Variants in DPYSL5 observed in about 807,000 individuals in gnomAD.
DPYSL5 encodes dihydropyrimidinase-related protein 5.
Under a neutral mutation model 58.4 loss-of-function variants are expected in DPYSL5, and 9 were observed. That is an observed-to-expected ratio of 0.15 (90% CI 0.09 to 0.27). The LOEUF is 0.27. Ranked by LOEUF, DPYSL5 falls within the 10% of genes least tolerant of loss-of-function variation. The pLI is 1.00. For synonymous variants in DPYSL5, 293 were observed against 301.9 expected (o/e 0.97, Z 0.31); for missense variants, 499 against 770.6 (o/e 0.65, Z 4.17).
chr2:26,911,256 G>A (rs1664432634), intron 2 of DPYSL5, among the ~76,000 whole-genome samples: 1 of 152,008 alleles, frequency 6.6e-6, no homozygotes, highest in South Asian at 2.1e-4. Context: ...CTTAATTATT[G>A]TAACTTTACA....
intron 1 of DPYSL5, among the ~76,000 whole-genome samples, chr2:26,866,865 G>T (rs1666156227): frequency 6.6e-6 from 1 of 151,600 alleles, no homozygotes; most frequent in African/African-American, 2.4e-5. Flanking sequence ...CTCAGTAGCT[G>T]AGATTACAGG....
At chr2:26,901,932 G>T (rs895422707) in intron 2 of DPYSL5, among the ~76,000 whole-genome samples, 2 of 151,770 alleles carry the variant, frequency 1.3e-5, no homozygotes, top group Non-Finnish European at 2.9e-5. Context: ...TTTAGCCCAC[G>T]CCTCGCTGGC....
intron 2 of DPYSL5, among the ~76,000 whole-genome samples, chr2:26,921,822 C>T (rs2148155686): frequency 6.6e-6 from 1 of 152,260 alleles, no homozygotes; most frequent in East Asian, 1.9e-4. Flanking sequence ...GCTCTCACAT[C>T]CATTGCCACC....
At chr2:26,878,784 C>G (rs1392924799) in intron 1 of DPYSL5, among the ~76,000 whole-genome samples, 1 of 152,226 alleles carries the variant, frequency 6.6e-6, no homozygotes, top group East Asian at 1.9e-4. Flanking sequence ...CCTCATGCAT[C>G]CAATGCACCA....
chr2:26,919,432 CAA>C (rs1286515473), intron 2 of DPYSL5, among the ~76,000 whole-genome samples: 1 of 152,080 alleles, frequency 6.6e-6, no homozygotes, highest in Admixed American at 6.5e-5. Context: ...ATGTCAAAAA[CAA>C]AATAATAGCG....
rs1438010833 is a variant in DPYSL5, at chr2:26,932,185, A to AAGACAGAC, written c.714+504_714+505insCAGACAGA. ...AAAGAAAGAAAGAAAGAAAGAAAGA[A>AAGACAGAC]AGAAAGAAAGAAAGAAAGAAAGAAA... On this transcript the variant is annotated intron_variant, in intron 6 of 12. Transcript: ENST00000288699. Among the ~76,000 whole-genome samples, 15 of 70,374 alleles carry AAGACAGAC rather than the reference A, an allele frequency of 2.1e-4. 1 individual carries two copies. The highest frequency in any genetic ancestry group is 2.1e-3 in the East Asian group (5 of 2,382). 46.2% of individuals were successfully genotyped at this position (70,374 alleles called of 152,430 possible).
At chr2:26,866,375 C>T (rs1046724106) in intron 1 of DPYSL5, among the ~76,000 whole-genome samples, 5 of 151,986 alleles carry the variant, frequency 3.3e-5, no homozygotes, top group South Asian at 2.1e-4. Flanking sequence ...TAAATGATAT[C>T]GTAAGGAAGA....
chr2:26,891,104 T>G (rs1285699962), intron 1 of DPYSL5, among the ~76,000 whole-genome samples: 2 of 152,164 alleles, frequency 1.3e-5, no homozygotes, highest in Admixed American at 1.3e-4. Context: ...ACAAACTAGT[T>G]GTGGGACCTT....
chr2:26,902,721 C>G (rs1054413167), intron 2 of DPYSL5, among the ~76,000 whole-genome samples: 2 of 152,118 alleles, frequency 1.3e-5, no homozygotes, highest in Non-Finnish European at 2.9e-5. Context: ...TTAAGGCATT[C>G]TAAGTCACAA....
At chr2:26,897,732 C>G (rs899832253) in intron 1 of DPYSL5, among the ~76,000 whole-genome samples, 5 of 152,092 alleles carry the variant, frequency 3.3e-5, no homozygotes, top group Non-Finnish European at 7.4e-5. Context: ...AGTATTAATT[C>G]TTCTTTAAAT....
In DPYSL5 at chr2:26,925,466, G is replaced by A. The variant is rs115837684; in HGVS notation, c.420+421G>A. On this transcript the variant is annotated intron_variant, in intron 3 of 12. Coordinates refer to ENST00000288699, the MANE Select transcript of DPYSL5 (RefSeq NM_020134.4). The surrounding 1 kb of genome is among the most constrained non-coding windows in gnomAD (Gnocchi z 4.5). ...TCCACCACACTGCGCTGAGGTCTCC[G>A]AACTGAGGCTCCCATCCTGCCTCAG... Among the ~76,000 whole-genome samples, 2 of 152,276 alleles carry A rather than the reference G, an allele frequency of 1.3e-5. No homozygotes were observed. Among genetic ancestry groups the A allele is most frequent in the African/African-American group, 2.4e-5 (1 of 41,564 alleles).
intron 1 of DPYSL5, among the ~76,000 whole-genome samples, chr2:26,884,090 C>A (rs1663644876): frequency 6.6e-6 from 1 of 152,190 alleles, no homozygotes; most frequent in Admixed American, 6.5e-5. Flanking sequence ...GGAATTATTT[C>A]TGGGGCCTGG....
At chr2:26,850,002 C>T (rs1665710531) in intron 1 of DPYSL5, among the ~76,000 whole-genome samples, 1 of 152,198 alleles carries the variant, frequency 6.6e-6, no homozygotes, top group African/African-American at 2.4e-5. Flanking sequence ...TGGAGGTCGC[C>T]TCGGTGCAGC....
At chr2:26,895,700 A>G (rs1321153196) in intron 1 of DPYSL5, among the ~76,000 whole-genome samples, 1 of 151,776 alleles carries the variant, frequency 6.6e-6, no homozygotes, top group Non-Finnish European at 1.5e-5. Context: ...TCTTTTCACC[A>G]ACATTTCCCC....
intron 2 of DPYSL5, among the ~76,000 whole-genome samples, chr2:26,903,986 G>A (rs367649357): frequency 5.6e-4 from 85 of 152,326 alleles, no homozygotes; most frequent in African/African-American, 1.8e-3. Context: ...AGGCTATCTC[G>A]TCCCAGAGAC....
intron 1 of DPYSL5, among the ~76,000 whole-genome samples, chr2:26,850,579 G>A (rs1572665343): frequency 7.7e-6 from 1 of 130,114 alleles, no homozygotes; most frequent in Non-Finnish European, 1.5e-5. Flanking sequence ...TTCCCAGACT[G>A]GGCGATACTT....
At chr2:26,909,199 G>T (rs1558341308) in intron 2 of DPYSL5, among the ~76,000 whole-genome samples, 1 of 152,104 alleles carries the variant, frequency 6.6e-6, no homozygotes. Context: ...GACTAAAACT[G>T]AAGCCCTATA....
Position 26,932,194 on chromosome 2 carries a change from A to AGAAAGAAG in DPYSL5, c.714+517_714+518insGGAAAGAA, listed in dbSNP as rs1665041317. ...AAGAAAGAAAGAAAGAAAGAAAGAA[A>AGAAAGAAG]GAAAGAAAGAAAGAAAAGAAAGAAA... On this transcript the variant is annotated intron_variant, in intron 6 of 12. Transcript: ENST00000288699. Among the ~76,000 whole-genome samples, 3 of 80,826 alleles carry AGAAAGAAG rather than the reference A, an allele frequency of 3.7e-5. 1 individual carries two copies. The highest frequency in any genetic ancestry group is 8.2e-5 in the Non-Finnish European group (3 of 36,742). The allele number at this position is 80,826 out of a possible 152,430, so 53.0% of individuals were successfully genotyped here.
chr2:26,940,322 CA>C, intron 9 of DPYSL5, 150 bp downstream of exon 9: 1 of 963,500 alleles, frequency 1.0e-6, no homozygotes, highest in Non-Finnish European at 1.4e-6. Context: ...TTGTTTCACT[CA>C]AAAACAAAAC....
Sources: allele counts gnomAD v4.1 joint callset (sites outside exome capture counted in the v4.1 genomes callset), GRCh38; gene constraint gnomAD v4.1.1; non-coding constraint Gnocchi (gnomAD v3.1); transcripts MANE v1.5; gene names NCBI Gene and HGNC (gene_info 2026-07-23, HGNC 2026-07-21).